The following ASB4 variants were observed in gnomAD, a reference collection of about 807,000 sequenced individuals.
ASB4 encodes the protein ankyrin repeat and SOCS box containing 4, also known as ankyrin repeat and SOCS box protein 4.
ASB4 carries 35 observed loss-of-function variants against 38.6 expected under a neutral mutation model. That is an observed-to-expected ratio of 0.91 (90% CI 0.69 to 1.20). The LOEUF is 1.20. Among genes scored for constraint, ASB4 ranks in the 50% most tolerant of loss-of-function variants. The pLI is 0.00. For missense variants in ASB4, 557 were observed against 527.2 expected (o/e 1.06, Z -0.55); for synonymous variants, 195 against 201.3 (o/e 0.97, Z 0.26).
intron 1 of ASB4, among the ~76,000 whole-genome samples, chr7:95,493,835 A>G (rs1790208566): frequency 1.3e-5 from 2 of 151,780 alleles, no homozygotes; most frequent in Admixed American, 6.6e-5. Context: ...AGATCTTTCC[A>G]TTTCAGTCTA....
At chr7:95,508,168 T>C (rs569113636) in intron 2 of ASB4, among the ~76,000 whole-genome samples, 1 of 151,992 alleles carries the variant, frequency 6.6e-6, no homozygotes, top group East Asian at 1.9e-4. Context: ...TAGGGATAAT[T>C]TTTGGTGTGA....
rs1790391928 is a variant in ASB4 at position 95,505,295 on chromosome 7, T to C, written c.487+9238T>C. Among the ~76,000 whole-genome samples, 4 of 152,272 alleles carry C rather than the reference T, an allele frequency of 2.6e-5. No individual in the cohort carries two copies. The South Asian group carries it at 8.3e-4, about 32-fold the overall frequency. ...TTTAAGATCAATATACAAAAATCAA[T>C]TGCATTTCTGTATACCAGAAATAAG... On this transcript the variant is annotated intron_variant, in intron 2 of 4. Transcript: ENST00000325885.
chr7:95,514,496 G>T (rs1480574503), intron 2 of ASB4, among the ~76,000 whole-genome samples: 1 of 152,046 alleles, frequency 6.6e-6, no homozygotes, highest in African/African-American at 2.4e-5. Flanking sequence ...TAAACAAAAT[G>T]GACAGACAAC....
rs182947834 is a variant in ASB4, at chr7:95,535,471, A to G, written c.979-966A>G. The stretch of plus-strand genomic sequence containing the variant: ...GAAAAATGGAACTGATACGAAACTC[A>G]TGATGAACAAATTTAGAAGAGCAGA... On this transcript the variant is annotated intron_variant, in intron 3 of 4. Transcript: ENST00000325885. Among the ~76,000 whole-genome samples the G allele has an allele frequency of 3.1e-4, 47 of 152,332 alleles. No homozygotes were observed. The East Asian group carries it at 8.5e-3, about 28-fold the overall frequency.
chr7:95,548,805 G>A, the ASB4 span, among the ~76,000 whole-genome samples: 3 of 152,124 alleles, frequency 2.0e-5, no homozygotes, highest in Non-Finnish European at 2.9e-5. Flanking sequence ...CTTATTTATA[G>A]CAAACCTGAC....
chr7:95,505,686 TC>T (rs11359538), intron 2 of ASB4, among the ~76,000 whole-genome samples: 68,429 of 130,058 alleles, frequency 0.53, 17,847 homozygotes, highest in East Asian at 0.66. Flanking sequence ...TCTATCCGTG[TC>T]CCCCCCCCCC....
the ASB4 span, among the ~76,000 whole-genome samples, chr7:95,472,795 A>T: frequency 6.6e-6 from 1 of 152,336 alleles, no homozygotes; most frequent in South Asian, 2.1e-4. Context: ...CCTCAGGAGC[A>T]ACACAGGTCT....
upstream of ASB4, chr7:95,473,603 A>G (rs555129796): frequency 6.6e-6 from 1 of 151,650 alleles, no homozygotes; most frequent in African/African-American, 2.4e-5. Flanking sequence ...TATAGAATAC[A>G]GATGCCATTG....
In ASB4 at chr7:95,528,090, C is replaced by T. The variant is rs1278349309; in HGVS notation, c.765C>T (p.Pro255=). 2 of 1,614,078 alleles carry T rather than the reference C, an allele frequency of 1.2e-6. No individual in the cohort carries two copies. Among genetic ancestry groups the T allele is most frequent in the Non-Finnish European group, 1.7e-6 (2 of 1,180,048 alleles). The change falls in exon 3 of 5, where the codon CCC becomes CCT. Residue 255 remains proline, a synonymous_variant. Transcript: ENST00000325885. ...VNARDDDFKS[P]LHKAAWNCDH... is the part of the protein sequence containing the mutation. ...CCCGAGATGACGACTTTAAATCTCC[C>T]CTCCACAAGGCAGCCTGGAACTGTG...
chr7:95,490,326 G>T (rs894234827), intron 1 of ASB4, among the ~76,000 whole-genome samples: 1 of 151,966 alleles, frequency 6.6e-6, no homozygotes, highest in Non-Finnish European at 1.5e-5. Flanking sequence ...TCCATCCTAG[G>T]GTTCTTTTCC....
At chr7:95,515,301 CT>C (rs1562817272) in intron 2 of ASB4, among the ~76,000 whole-genome samples, 2,103 of 122,272 alleles carry the variant, frequency 0.017, 55 homozygotes, top group Admixed American at 0.036. Flanking sequence ...TTCTTTCTTT[CT>C]TTCTTTCTTT....
At chr7:95,533,750 A>T (rs1790850629) in intron 3 of ASB4, among the ~76,000 whole-genome samples, 1 of 152,170 alleles carries the variant, frequency 6.6e-6, no homozygotes, top group Non-Finnish European at 1.5e-5. Flanking sequence ...TGAAATGGGG[A>T]TGAATATAGG....
downstream of ASB4, among the ~76,000 whole-genome samples, chr7:95,544,759 A>T (rs1176495126): frequency 2.6e-5 from 4 of 152,064 alleles, no homozygotes; most frequent in African/African-American, 9.7e-5. Context: ...CAGTGGCACA[A>T]TCTCGGCTCA....
chr7:95,473,289 T>C, the ASB4 span, among the ~76,000 whole-genome samples: 1 of 152,234 alleles, frequency 6.6e-6, no homozygotes, highest in African/African-American at 2.4e-5. Flanking sequence ...GATACCCTTG[T>C]AAGGGCTTTA....
rs1404697626 is a variant in ASB4, at chr7:95,528,279, A to C, written c.954A>C (p.Arg318=). ...TCCTGTTGAACCATGGGGCTGCCCG[A>C]ATATACCCTCCACAGTTCCATAAGG... ...YQLLLNHGAA[R]IYPPQFHKVI... Residue 318 remains arginine, a synonymous_variant, in exon 3 of 5, where the codon CGA becomes CGC. Coordinates refer to ENST00000325885, the MANE Select transcript of ASB4 (RefSeq NM_016116.3). 3.1e-6 allele frequency: 5 copies of C among 1,613,982 alleles called. No homozygotes were observed. The Admixed American group carries it at 5.0e-5, about 16-fold the overall frequency.
At chr7:95,505,604 T>C (rs1436061515) in intron 2 of ASB4, among the ~76,000 whole-genome samples, 6 of 152,018 alleles carry the variant, frequency 3.9e-5, no homozygotes, top group African/African-American at 7.2e-5. Context: ...AAAGAATAAG[T>C]AGCAATAGAA....
At chr7:95,500,105 A>G (rs1790313448) in intron 2 of ASB4, among the ~76,000 whole-genome samples, 1 of 152,082 alleles carries the variant, frequency 6.6e-6, no homozygotes, top group Non-Finnish European at 1.5e-5. Flanking sequence ...GGGAGTTCGG[A>G]TGGTTTTTCC....
chr7:95,490,143 A>G (rs1222267867), intron 1 of ASB4, among the ~76,000 whole-genome samples: 2 of 152,226 alleles, frequency 1.3e-5, no homozygotes, highest in Non-Finnish European at 1.5e-5. Context: ...AATTAAAATA[A>G]CCAATGAATG....
At chr7:95,491,938 G>T (rs999544293) in intron 1 of ASB4, among the ~76,000 whole-genome samples, 1 of 152,146 alleles carries the variant, frequency 6.6e-6, no homozygotes, top group Non-Finnish European at 1.5e-5. Flanking sequence ...AAAATCCCTA[G>T]CCCCACATTA....
Sources: gnomAD v4.1 joint callset for allele counts (sites outside exome capture counted in the v4.1 genomes callset) on GRCh38, gnomAD v4.1.1 for gene constraint, MANE v1.5 for transcripts, NCBI Gene and HGNC (gene_info 2026-07-23, HGNC 2026-07-21) for gene names.